Variants in SUPT3H observed in about 807,000 individuals in gnomAD.
SUPT3H encodes SPT3 homolog, SAGA and STAGA complex component.
In SUPT3H, 44 loss-of-function variants were observed where a neutral mutation model predicts 44.3. The ratio of observed to expected loss-of-function variants is 0.99; its 90% CI spans 0.78 to 1.28. The LOEUF is 1.28. Ranked by LOEUF, SUPT3H falls within the 50% of genes most tolerant of loss-of-function variation. SUPT3H has a pLI of 0.00. For synonymous variants in SUPT3H, 124 were observed against 125.6 expected (o/e 0.99, Z 0.09); for missense variants, 380 against 387.1 (o/e 0.98, Z 0.15).
intron 6 of SUPT3H, among the ~76,000 whole-genome samples, chr6:44,962,358 TG>T (rs1562145760): frequency 1.3e-5 from 2 of 152,172 alleles, no homozygotes; most frequent in African/African-American, 4.8e-5. Context: ...ATGATTCATT[TG>T]GTATAGTTTC....
intron 2 of SUPT3H, chr6:45,159,622 T>A (rs1318905550): frequency 6.6e-6 from 1 of 152,194 alleles, no homozygotes; most frequent in African/African-American, 2.4e-5. Flanking sequence ...CTGTTTTAAA[T>A]AAATTATAAA....
intron 2 of SUPT3H, among the ~76,000 whole-genome samples, chr6:45,162,976 A>G (rs1809275948): frequency 6.6e-6 from 1 of 152,150 alleles, no homozygotes; most frequent in Admixed American, 6.6e-5. Flanking sequence ...GTGAAGTGAC[A>G]ATTATTTTCT....
At position 45,100,885 on chromosome 6, in the gene SUPT3H, CTG is replaced by C. The variant is rs199750322; in HGVS notation, c.186+5035_186+5036del. Among the ~76,000 whole-genome samples, 643 of 152,266 alleles carry C rather than the reference CTG, an allele frequency of 4.2e-3. 5 individuals carry two copies. The highest frequency in any genetic ancestry group is 9.0e-3 in the Admixed American group (138 of 15,298). ...GGAAAACAGTATGCCAAAGATATAT[CTG>C]TGCTCACATGTTTATTGCAGCAATA... is the stretch of plus-strand genomic sequence containing the variant. On this transcript the variant is annotated intron_variant, in intron 3 of 10. Transcript: ENST00000371459.
At chr6:45,285,121 C>G (rs1299133717) in intron 2 of SUPT3H, among the ~76,000 whole-genome samples, 1 of 151,232 alleles carries the variant, frequency 6.6e-6, no homozygotes, top group Non-Finnish European at 1.5e-5. Flanking sequence ...CTATGACAAA[C>G]CCACAGCCAA....
At chr6:45,210,845 C>T (rs1763975149) in intron 2 of SUPT3H, among the ~76,000 whole-genome samples, 1 of 152,046 alleles carries the variant, frequency 6.6e-6, no homozygotes, top group South Asian at 2.1e-4. Context: ...GGAACTAAAC[C>T]CACAATATCT....
chr6:44,881,416 T>A (rs913791580), intron 10 of SUPT3H, among the ~76,000 whole-genome samples: 5 of 152,148 alleles, frequency 3.3e-5, no homozygotes, highest in African/African-American at 1.2e-4. Context: ...CAAAGAGACT[T>A]AGACTCCCAC....
At chr6:45,297,896 T>G (rs1387760257) in intron 2 of SUPT3H, among the ~76,000 whole-genome samples, 1 of 152,192 alleles carries the variant, frequency 6.6e-6, no homozygotes, top group African/African-American at 2.4e-5. Context: ...ACATATTATT[T>G]CATTTAATGC....
chr6:44,912,425 T>C (rs1346079668), intron 10 of SUPT3H, among the ~76,000 whole-genome samples: 1 of 152,244 alleles, frequency 6.6e-6, no homozygotes, highest in Non-Finnish European at 1.5e-5. Context: ...CTCCTTTTTA[T>C]GGCTGAATAA....
intron 9 of SUPT3H, among the ~76,000 whole-genome samples, chr6:44,935,738 C>T (rs1771296596): frequency 1.3e-5 from 2 of 152,132 alleles, no homozygotes; most frequent in South Asian, 2.1e-4. Flanking sequence ...ACATATTTTC[C>T]GGATTTGGCT....
chr6:45,070,023 A>G (rs1189526885), intron 3 of SUPT3H, among the ~76,000 whole-genome samples: 2 of 152,176 alleles, frequency 1.3e-5, no homozygotes, highest in East Asian at 1.9e-4. Context: ...TGGCAGAGCC[A>G]TCAGATCAAT....
chr6:44,978,212 G>A (rs1183294095), intron 6 of SUPT3H, among the ~76,000 whole-genome samples: 2 of 152,094 alleles, frequency 1.3e-5, no homozygotes, highest in East Asian at 3.9e-4. Context: ...AGAAGATTCT[G>A]TCAATGACAG....
chr6:45,270,587 G>A (rs781273384), intron 2 of SUPT3H, among the ~76,000 whole-genome samples: 22 of 152,220 alleles, frequency 1.4e-4, no homozygotes, highest in Non-Finnish European at 1.8e-4. Flanking sequence ...CCTCAGCCAC[G>A]TGGAACTGTA....
At chr6:45,026,316 T>C (rs1785992278) in intron 3 of SUPT3H, among the ~76,000 whole-genome samples, 2 of 152,164 alleles carry the variant, frequency 1.3e-5, no homozygotes, top group Non-Finnish European at 2.9e-5. Context: ...AACTCCAGTG[T>C]AGTTTCATCA....
At chr6:44,854,005 T>C (rs1773344175) in intron 10 of SUPT3H, among the ~76,000 whole-genome samples, 1 of 150,474 alleles carries the variant, frequency 6.6e-6, no homozygotes, top group South Asian at 2.1e-4. Context: ...CAAAGTGGTA[T>C]ATTTTGAACC....
chr6:45,157,721 G>A (rs1808079186), intron 2 of SUPT3H, among the ~76,000 whole-genome samples: 1 of 151,460 alleles, frequency 6.6e-6, no homozygotes, highest in African/African-American at 2.4e-5. Context: ...GCTAATTTTT[G>A]TATTTTTAGT....
chr6:45,028,912 A>G (rs1160141527), intron 3 of SUPT3H, among the ~76,000 whole-genome samples: 2 of 150,738 alleles, frequency 1.3e-5, no homozygotes, highest in East Asian at 1.9e-4. Context: ...AAAAAAAAAA[A>G]AAAAAAAAAG....
At chr6:45,255,444 G>A (rs1162951561) in intron 2 of SUPT3H, among the ~76,000 whole-genome samples, 2 of 119,382 alleles carry the variant, frequency 1.7e-5, no homozygotes, top group East Asian at 5.1e-4. Flanking sequence ...TTTTCAGTCA[G>A]GTTCTCGCTC....
chr6:45,040,987 A>G (rs1186358978), intron 3 of SUPT3H, among the ~76,000 whole-genome samples: 1 of 152,138 alleles, frequency 6.6e-6, no homozygotes, highest in South Asian at 2.1e-4. Context: ...GCTACTTTCT[A>G]TCTTGTCCTA....
At chr6:45,140,648 A>G (rs1701018256) in intron 2 of SUPT3H, among the ~76,000 whole-genome samples, 1 of 152,108 alleles carries the variant, frequency 6.6e-6, no homozygotes, top group Non-Finnish European at 1.5e-5. Context: ...ACATAGTGTA[A>G]ATCACTCCCC....
Sources: gnomAD v4.1 joint callset for allele counts (sites outside exome capture counted in the v4.1 genomes callset) on GRCh38, gnomAD v4.1.1 for gene constraint, MANE v1.5 for transcripts, NCBI Gene and HGNC (gene_info 2026-07-23, HGNC 2026-07-21) for gene names.